The following USH2A variants were observed in gnomAD, a reference collection of about 807,000 sequenced individuals.
USH2A encodes usherin, also known as Usher syndrome 2A (autosomal recessive, mild).
USH2A carries 443 observed loss-of-function variants against 538.9 expected under a neutral mutation model. That is an observed-to-expected ratio of 0.82 (90% CI 0.76 to 0.89). The LOEUF (loss-of-function observed/expected upper bound fraction) is 0.89. Among genes scored for constraint, USH2A ranks in the 40% least tolerant of loss-of-function variants. USH2A has a pLI of 0.00. For synonymous variants in USH2A, 2,413 were observed against 2,273.5 expected, an observed-to-expected ratio of 1.06 and a Z score of -1.75; for missense variants, 6,633 against 6,324.8, an observed-to-expected ratio of 1.05 and a Z score of -1.65.
chr1:216,308,525 G>GT (rs1218865537), intron 9 of USH2A, among the ~76,000 whole-genome samples: 1 of 152,036 alleles, frequency 6.6e-6, no homozygotes, highest in Non-Finnish European at 1.5e-5. Flanking sequence ...TCTTTTGTCT[G>GT]TTTTTCAAAT....
chr1:216,210,601 G>A (rs118148759), intron 15 of USH2A, among the ~76,000 whole-genome samples: 2 of 152,110 alleles, frequency 1.3e-5, no homozygotes, highest in Admixed American at 1.3e-4. Context: ...TCATTTCTGC[G>A]TTCATCCTCC....
At chr1:215,794,386 C>T (rs780340145) in intron 50 of USH2A, among the ~76,000 whole-genome samples, 9 of 152,134 alleles carry the variant, frequency 5.9e-5, no homozygotes, top group Non-Finnish European at 1.3e-4. Flanking sequence ...GCACACAATG[C>T]CAGGCAGCGA....
intron 40 of USH2A, among the ~76,000 whole-genome samples, chr1:215,892,041 A>G (rs181051192): frequency 1.3e-5 from 2 of 152,314 alleles, no homozygotes; most frequent in African/African-American, 4.8e-5. Flanking sequence ...CATCAGCTTC[A>G]AAAGTTCAGC....
intron 3 of USH2A, among the ~76,000 whole-genome samples, chr1:216,382,809 G>A (rs1039229137): frequency 6.6e-6 from 1 of 152,050 alleles, no homozygotes; most frequent in Admixed American, 6.6e-5. Flanking sequence ...GTTGATGAAC[G>A]AATGGACACT....
intron 37 of USH2A, among the ~76,000 whole-genome samples, chr1:215,956,390 A>G (rs182779964): frequency 1.3e-5 from 2 of 152,304 alleles, no homozygotes; most frequent in East Asian, 3.9e-4. Flanking sequence ...AATGCTTTAA[A>G]AATTTCTCTA....
In USH2A at chr1:215,741,513, A is replaced by G; in HGVS notation, c.11573T>C (p.Met3858Thr). ...QNGSCGVSSR[M>T]FVKTPEAAPM... ...GGCTGCTTCAGGTGTTTTGACAAAC[A>G]TCCTACTGCTAACTCCACAACTTCC... The change falls in exon 60 of 72, where the codon ATG (methionine) becomes ACG (threonine). Residue 3858 changes from methionine (M) to threonine (T), a missense_variant. By Grantham distance (81) the Met-to-Thr change is moderately conservative. Coordinates refer to ENST00000307340, the MANE Select transcript of USH2A (RefSeq NM_206933.4). The G allele has an allele frequency of 1.2e-6, 2 of 1,613,692 alleles. No homozygotes were observed. The highest frequency in any genetic ancestry group is 1.7e-6 in the Non-Finnish European group (2 of 1,179,930).
intron 23 of USH2A, among the ~76,000 whole-genome samples, chr1:216,088,271 T>A (rs919627469): frequency 2.6e-5 from 4 of 151,972 alleles, no homozygotes; most frequent in African/African-American, 9.7e-5. Flanking sequence ...CACACACAAC[T>A]TTCCCTCTCA....
intron 68 of USH2A, among the ~76,000 whole-genome samples, 197 bp downstream of exon 68, chr1:215,640,361 T>C (rs188794995): frequency 2.0e-5 from 3 of 152,262 alleles, no homozygotes; most frequent in African/African-American, 4.8e-5. Flanking sequence ...GCATTATAAC[T>C]GCAGTGCTGT....
intron 3 of USH2A, among the ~76,000 whole-genome samples, chr1:216,390,626 T>G (rs945177912): frequency 3.9e-5 from 6 of 152,190 alleles, no homozygotes; most frequent in Non-Finnish European, 5.9e-5. Context: ...AATGGATAGT[T>G]TCAAACCTAA....
intron 37 of USH2A, among the ~76,000 whole-genome samples, chr1:215,940,191 T>C (rs1666600499): frequency 6.6e-6 from 1 of 152,116 alleles, no homozygotes; most frequent in African/African-American, 2.4e-5. Context: ...GAAAAGGTAT[T>C]AACTAATTTT....
chr1:216,419,976 T>A (rs1296939129), intron 2 of USH2A, among the ~76,000 whole-genome samples: 1 of 152,106 alleles, frequency 6.6e-6, no homozygotes, highest in Admixed American at 6.6e-5. Context: ...AAGTTATGAG[T>A]GCAAGTATAT....
At chr1:216,280,066 A>G (rs568011509) in intron 11 of USH2A, among the ~76,000 whole-genome samples, 1 of 151,892 alleles carries the variant, frequency 6.6e-6, no homozygotes, top group South Asian at 2.1e-4. Flanking sequence ...TTCTCCAGAT[A>G]TGTCAAAGTA....
At chr1:216,372,121 T>C (rs373496566) in intron 3 of USH2A, among the ~76,000 whole-genome samples, 1 of 152,236 alleles carries the variant, frequency 6.6e-6, no homozygotes, top group Non-Finnish European at 1.5e-5. Context: ...GTGCACCTGC[T>C]ACTAGTTTGA....
chr1:216,185,176 T>C (rs2102650212), intron 20 of USH2A, among the ~76,000 whole-genome samples: 1 of 151,992 alleles, frequency 6.6e-6, no homozygotes, highest in East Asian at 1.9e-4. Context: ...TAACACTGCT[T>C]GAAGATTTTG....
chr1:216,136,121 A>C (rs1425442220), intron 21 of USH2A, among the ~76,000 whole-genome samples: 2 of 152,124 alleles, frequency 1.3e-5, no homozygotes, highest in Non-Finnish European at 2.9e-5. Flanking sequence ...AAGCTAGTGG[A>C]TTGTGGTTAT....
Position 216,011,638 on chromosome 1 carries a change from C to G in USH2A, c.6326-11076G>C, listed in dbSNP as rs532869150. On this transcript the variant is annotated intron_variant, in intron 32 of 71. Coordinates refer to ENST00000307340, the MANE Select transcript of USH2A (RefSeq NM_206933.4). ...CTGTTTTAGCCTAGCCATCATGTCT[C>G]CGTGCAGCGGCTGCTGCAGCCCTAA... is the stretch of plus-strand genomic sequence containing the variant. 2.9e-3 allele frequency among the ~76,000 whole-genome samples: 444 copies of G among 152,236 alleles called. 4 individuals carry two copies. Among genetic ancestry groups the G allele is most frequent in the African/African-American group, 9.9e-3 (411 of 41,540 alleles).
In USH2A at chr1:215,759,836, C is replaced by A; in HGVS notation, c.11055G>T (p.Trp3685Cys). The change falls in exon 57 of 72, where the codon TGG becomes TGT. Residue 3685 changes from tryptophan (W) to cysteine (C), a missense_variant. Trp to Cys is a radical substitution (Grantham distance 215). Coordinates refer to ENST00000307340, the MANE Select transcript of USH2A (RefSeq NM_206933.4). ...TGATGATAATGTGTCGAGGTGTCAC[C>A]CAAACTCCTGGCAAGAATAACGCAA... Reference protein sequence around the residue: ...QTLQAAPEGVWVTPRHIIINS... With the variant: ...QTLQAAPEGVCVTPRHIIINS... 6.2e-7 allele frequency: 1 copy of A among 1,613,840 alleles called. No individual in the cohort carries two copies. The highest frequency in any genetic ancestry group is 8.5e-7 in the Non-Finnish European group (1 of 1,179,858).
chr1:216,386,679 C>A (rs1191739471), intron 3 of USH2A, among the ~76,000 whole-genome samples: 2 of 150,894 alleles, frequency 1.3e-5, no homozygotes, highest in African/African-American at 2.4e-5. Context: ...CACAGTGAAA[C>A]CCCGTCTCTA....
rs1668245775 is a variant in USH2A at position 216,000,554 on chromosome 1, C to T, written c.6334G>A (p.Val2112Ile). ...AGTAGAAACTGGTGGGGTGTAAATA[C>T]TGCTAAATCTAGGGGATAGGGAGAA... Reference protein sequence around the residue: ...EENYIVTDLAVFTPHQFLLSA... With the variant: ...EENYIVTDLAIFTPHQFLLSA... The change falls in exon 33 of 72, where the codon GTA (valine) becomes ATA (isoleucine). Residue 2112 changes from valine to isoleucine, a missense_variant. Transcript: ENST00000307340. The T allele has an allele frequency of 6.2e-7, 1 of 1,613,408 alleles. No individual in the cohort carries two copies. The highest frequency in any genetic ancestry group is 8.5e-7 in the Non-Finnish European group (1 of 1,179,512).
Sources: allele counts gnomAD v4.1 joint callset (sites outside exome capture counted in the v4.1 genomes callset), GRCh38; gene constraint gnomAD v4.1.1; transcripts MANE v1.5; gene names NCBI Gene and HGNC (gene_info 2026-07-23, HGNC 2026-07-21).